Variants in DPP8 observed in about 807,000 individuals in gnomAD.
DPP8 encodes the protein dipeptidyl peptidase 8.
Under a neutral mutation model 107.5 loss-of-function variants are expected in DPP8, and 31 were observed. That is an observed-to-expected ratio of 0.29 (90% CI 0.22 to 0.39). DPP8 has a LOEUF of 0.39. DPP8 is among the 10% of genes least tolerant of loss of function. The pLI is 1.00. For synonymous variants in DPP8, 381 were observed against 356.6 expected (o/e 1.07, Z -0.77); for missense variants, 842 against 1,076.1 (o/e 0.78, Z 3.04).
intron 10 of DPP8, among the ~76,000 whole-genome samples, chr15:65,479,514 TTGTC>T (rs2066704342): frequency 6.6e-6 from 1 of 152,156 alleles, no homozygotes; most frequent in African/African-American, 2.4e-5. Flanking sequence ...TTATTTAAAT[TTGTC>T]TGCTAAATTG....
intron 3 of DPP8, among the ~76,000 whole-genome samples, chr15:65,504,751 G>A (rs548729307): frequency 7.9e-5 from 12 of 151,858 alleles, no homozygotes; most frequent in South Asian, 2.1e-4. Context: ...GAAGGTCAAG[G>A]TGGGAGGATC....
rs1448311227 is a variant in DPP8 at position 65,442,910 on chromosome 15, A to G, written c.*3974T>C. 1 of 152,216 alleles carries G rather than the reference A, an allele frequency of 6.6e-6. No individual in the cohort carries two copies. The highest frequency in any genetic ancestry group is 1.5e-5 in the Non-Finnish European group (1 of 68,038). The allele number at this position is 152,216 out of a possible 1,614,324, so 9.4% of individuals were successfully genotyped here. A position where few individuals can be genotyped will look rare whatever the true frequency, so the allele number is the denominator to read the frequency against. On this transcript the variant is annotated 3_prime_UTR_variant, in exon 20 of 20. Transcript: ENST00000300141. ...TAGACACACTCACCTTATATAGTTT[A>G]GAAATGGCCATGTCTCTTTTCTTAC...
At chr15:65,510,752 T>G (rs911749050) in intron 2 of DPP8, among the ~76,000 whole-genome samples, 4 of 152,192 alleles carry the variant, frequency 2.6e-5, no homozygotes, top group African/African-American at 9.6e-5. Flanking sequence ...TTGGTGAGGC[T>G]GGTCTCAAAC....
chr15:65,480,190 A>G, intron 10 of DPP8, 32 bp downstream of exon 10: 2 of 1,575,048 alleles, frequency 1.3e-6, no homozygotes, highest in Non-Finnish European at 1.7e-6. Flanking sequence ...TTCTGAGAAA[A>G]TATTTAAACA....
In DPP8 at chr15:65,475,379, T is replaced by C. The variant is rs1308575844; in HGVS notation, c.1457-1091A>G. ...GTGGGCTTTGGAGGAACAGGAGAAC[T>C]GGCTCTTGGCCACTGTGAGGGGTAC... On this transcript the variant is annotated intron_variant, in intron 11 of 19. Coordinates refer to ENST00000300141, the MANE Select transcript of DPP8 (RefSeq NM_130434.5). 8.8e-6 allele frequency: 13 copies of C among 1,482,324 alleles called. No individual in the cohort carries two copies. The Admixed American group carries it at 2.2e-4, about 25-fold the overall frequency. The allele number at this position is 1,482,324 out of a possible 1,614,324, so 91.8% of individuals were successfully genotyped here.
intron 6 of DPP8, among the ~76,000 whole-genome samples, chr15:65,488,239 CA>C (rs2067629207): frequency 6.6e-6 from 1 of 152,096 alleles, no homozygotes; most frequent in East Asian, 1.9e-4. Flanking sequence ...ACAAATACAA[CA>C]AAACATTTCA....
chr15:65,486,393 A>G (rs2067442245), intron 7 of DPP8, among the ~76,000 whole-genome samples: 1 of 151,846 alleles, frequency 6.6e-6, no homozygotes, highest in Non-Finnish European at 1.5e-5. Context: ...CAGAGCAAAA[A>G]AAAAAACAAA....
At chr15:65,480,473 T>G (rs141084465) in intron 9 of DPP8, 74 bp from the exon 10 acceptor site, 1 of 1,052,584 alleles carries the variant, frequency 9.5e-7, no homozygotes, top group East Asian at 2.5e-5. Context: ...ATTATCTCCT[T>G]TGGCACCTAT....
chr15:65,473,376 T>C (rs1440224922), intron 12 of DPP8, among the ~76,000 whole-genome samples: 2 of 150,604 alleles, frequency 1.3e-5, no homozygotes, highest in Admixed American at 1.3e-4. Context: ...ACAGACAGAC[T>C]AACCTATCAC....
chr15:65,515,047 T>G (rs1276156755), intron 1 of DPP8, among the ~76,000 whole-genome samples: 1 of 152,132 alleles, frequency 6.6e-6, no homozygotes, highest in Non-Finnish European at 1.5e-5. Context: ...CAAGCTGCAG[T>G]GCAGTGGTAC....
Position 65,487,962 on chromosome 15 carries a change from A to G in DPP8, c.827-144T>C, listed in dbSNP as rs1401655787. The G allele has an allele frequency of 1.9e-5, 12 of 625,344 alleles. No homozygotes were observed. In the East Asian group the frequency reaches 3.2e-4, roughly 17 times the overall value. 38.7% of individuals were successfully genotyped at this position (625,344 alleles called of 1,614,324 possible). Reference sequence around the variant, plus strand: ...GCTGCCTTTTTTGTAGGAAAATATCACTAGTCTTTGCAGTAGCAAGGTGAG... The same window carrying G: ...GCTGCCTTTTTTGTAGGAAAATATCGCTAGTCTTTGCAGTAGCAAGGTGAG... On this transcript the variant is annotated intron_variant, in intron 6 of 19. Transcript: ENST00000300141.
intron 19 of DPP8, among the ~76,000 whole-genome samples, chr15:65,448,872 A>ATGTGTGTGTGTGTGTGTG (rs1422546535): frequency 1.1e-3 from 9 of 8,344 alleles, no homozygotes; most frequent in African/African-American, 4.1e-3. Context: ...TAAAATATAT[A>ATGTGTGTGTGTGTGTGTG]TATATATATA....
intron 19 of DPP8, among the ~76,000 whole-genome samples, chr15:65,448,871 T>TAATATATAAAATATAC (rs2063716643): frequency 5.7e-4 from 3 of 5,262 alleles, no homozygotes; most frequent in East Asian, 9.3e-3. Flanking sequence ...CTAAAATATA[T>TAATATATAAAATATAC]ATATATATAT....
chr15:65,479,838 G>A (rs559971688), intron 10 of DPP8, among the ~76,000 whole-genome samples: 10 of 128,026 alleles, frequency 7.8e-5, no homozygotes, highest in Admixed American at 4.5e-4. Flanking sequence ...GCGACAGAGC[G>A]AGACTCCGTC....
chr15:65,448,596 C>T lies in DPP8; in HGVS notation c.2527-1590G>A, dbSNP rs180828423. 7.2e-3 allele frequency among the ~76,000 whole-genome samples: 1,055 copies of T among 145,892 alleles called. 13 individuals are homozygous for T. The highest frequency in any genetic ancestry group is 0.026 in the African/African-American group (1,005 of 39,300). On this transcript the variant is annotated intron_variant, in intron 19 of 19. Coordinates refer to ENST00000300141, the MANE Select transcript of DPP8 (RefSeq NM_130434.5). ...CTGGGGCAGTAGAATGGCGTGAACC[C>T]GGGAGGCGGAGCTTGCAGTAAGCCA...
chr15:65,502,304 G>GAAAAAA (rs11320643), intron 3 of DPP8, among the ~76,000 whole-genome samples: 1 of 147,218 alleles, frequency 6.8e-6, no homozygotes. Context: ...TTGCTAAATG[G>GAAAAAA]AAAAAAAAAA....
chr15:65,464,002 C>G, intron 14 of DPP8, 96 bp from the exon 15 acceptor site: 1 of 881,522 alleles, frequency 1.1e-6, no homozygotes, highest in Non-Finnish European at 1.7e-6. Context: ...TCAGCCCCGC[C>G]AACACAAACT....
intron 12 of DPP8, among the ~76,000 whole-genome samples, chr15:65,471,729 C>T (rs2065915353): frequency 6.6e-6 from 1 of 152,090 alleles, no homozygotes; most frequent in Admixed American, 6.6e-5. Context: ...CACAAGTGAT[C>T]CCTCGACACT....
At chr15:65,484,618 T>A (rs1489949125) in intron 8 of DPP8, among the ~76,000 whole-genome samples, 1 of 150,760 alleles carries the variant, frequency 6.6e-6, no homozygotes, top group East Asian at 2.0e-4. Context: ...TATTCTCTTT[T>A]CTCTTTCTTT....
Sources: allele counts gnomAD v4.1 joint callset (sites outside exome capture counted in the v4.1 genomes callset), GRCh38; gene constraint gnomAD v4.1.1; transcripts MANE v1.5; gene names NCBI Gene and HGNC (gene_info 2026-07-23, HGNC 2026-07-21).